The following ZNF273 variants were observed in gnomAD, a reference collection of about 807,000 sequenced individuals.
ZNF273 encodes the protein zinc finger protein 273.
A neutral mutation model predicts 14.9 loss-of-function variants in ZNF273; 11 were observed. That is an observed-to-expected ratio of 0.74 (90% CI 0.46 to 1.22). ZNF273 has a LOEUF of 1.22. ZNF273 is among the 50% of genes most tolerant of loss of function. The pLI, the probability that ZNF273 is intolerant of heterozygous loss-of-function variation, is 0.00. For synonymous variants in ZNF273, 199 were observed against 223.9 expected (o/e 0.89, Z 0.99); for missense variants, 577 against 660.6 (o/e 0.87, Z 1.39).
In ZNF273 at chr7:64,922,735, C is replaced by T. The variant is rs375672894; in HGVS notation, c.325+4443C>T. ...ATCCCAGCACTTTGGGATGCCGAGG[C>T]GAGTAGATTACATGAGGTCAGGGGT... On this transcript the variant is annotated intron_variant, in intron 3 of 3. Transcript: ENST00000476120. Among the ~76,000 whole-genome samples the T allele has an allele frequency of 1.6e-4, 25 of 151,804 alleles. No individual in the cohort carries two copies. In the East Asian group the frequency reaches 3.9e-3, roughly 24 times the overall value.
At chr7:64,918,361 A>T in intron 3 of ZNF273, 69 bp downstream of exon 3, 1 of 1,411,178 alleles carries the variant, frequency 7.1e-7, no homozygotes, top group South Asian at 1.3e-5. Flanking sequence ...GGAGAAAGTC[A>T]GTTCTTAAAA....
At chr7:64,877,899 G>T (rs1206076459) in intron 1 of ZNF273, 14 of 152,316 alleles carry the variant, frequency 9.2e-5, no homozygotes, top group African/African-American at 3.4e-4. Context: ...TGTTCTCCGG[G>T]GCTGTTCTCT....
At chr7:64,887,081 C>A (rs1583957643) in intron 1 of ZNF273, among the ~76,000 whole-genome samples, 2 of 152,226 alleles carry the variant, frequency 1.3e-5, no homozygotes, top group East Asian at 3.9e-4. Flanking sequence ...CACTGGGGAC[C>A]CTATGGAGAC....
chr7:64,913,911 T>G (rs1793754491), intron 1 of ZNF273, among the ~76,000 whole-genome samples: 3 of 148,280 alleles, frequency 2.0e-5, no homozygotes, highest in Admixed American at 2.0e-4. Flanking sequence ...GCAGAAATCT[T>G]TTTACTTGTG....
Position 64,918,315 on chromosome 7 carries a change from A to G in ZNF273, c.325+23A>G, listed in dbSNP as rs373736896. 84 of 1,529,646 alleles carry G rather than the reference A, an allele frequency of 5.5e-5. No individual in the cohort carries two copies. The African/African-American group carries it at 7.4e-4, about 13-fold the overall frequency. 94.8% of individuals were successfully genotyped at this position (1,529,646 alleles called of 1,614,324 possible). On this transcript the variant is annotated intron_variant, in intron 3 of 3. Coordinates refer to ENST00000476120, the MANE Select transcript of ZNF273 (RefSeq NM_021148.3). ...CAGGTAGGTGAGAGTGATAGCGAAT[A>G]TAACAGATGACACAGATGACAGGTC... is the stretch of plus-strand genomic sequence containing the variant.
At chr7:64,904,288 CTG>C (rs1285860873) in intron 1 of ZNF273, among the ~76,000 whole-genome samples, 1 of 152,234 alleles carries the variant, frequency 6.6e-6, no homozygotes, top group Non-Finnish European at 1.5e-5. Flanking sequence ...CTGGGTTTCA[CTG>C]TGTTGCCCAG....
chr7:64,879,125 C>T lies in ZNF273; in HGVS notation n.331-325C>T, dbSNP rs934246884. 3.3e-5 allele frequency among the ~76,000 whole-genome samples: 5 copies of T among 152,324 alleles called. No homozygotes were observed. In the South Asian group the frequency reaches 1.0e-3, roughly 32 times the overall value. On this transcript the variant is annotated intron_variant and non_coding_transcript_variant, in intron 2 of 2. Transcript: ENST00000465954. Reference sequence around the variant, plus strand: ...GTTTCATTTCATCTGCACATCCTTCCTCATTGTGGAGAGGGTCTTTCATTG... The same window carrying T: ...GTTTCATTTCATCTGCACATCCTTCTTCATTGTGGAGAGGGTCTTTCATTG...
chr7:64,928,402 C>T lies in ZNF273; in HGVS notation c.1074C>T (p.Ser358=). 4 of 1,613,434 alleles carry T rather than the reference C, an allele frequency of 2.5e-6. No individual in the cohort carries two copies. The highest frequency in any genetic ancestry group is 1.3e-5 in the African/African-American group (1 of 74,892). ...CNECGKAFNW[S]STLTKHKRIH... is the part of the protein sequence containing the mutation. The stretch of plus-strand genomic sequence containing the variant: ...AATGTGGTAAAGCCTTTAACTGGTC[C>T]TCAACTCTTACTAAACATAAGAGAA... Residue 358 remains serine, a synonymous_variant, in exon 4 of 4, where the codon TCC becomes TCT. Transcript: ENST00000476120.
chr7:64,896,488 AT>A (rs1792365503), intron 3 of ZNF273, among the ~76,000 whole-genome samples: 1 of 152,128 alleles, frequency 6.6e-6, no homozygotes, highest in East Asian at 1.9e-4. Context: ...TAAAATTCTT[AT>A]TTTGGCATTT....
intron 1 of ZNF273, among the ~76,000 whole-genome samples, chr7:64,904,059 T>C (rs879486856): frequency 6.6e-6 from 1 of 152,200 alleles, no homozygotes; most frequent in Non-Finnish European, 1.5e-5. Flanking sequence ...TCCCTCAATG[T>C]TGTAATTTAC....
chr7:64,934,514 G>T (rs1262419506), downstream of ZNF273, among the ~76,000 whole-genome samples: 1 of 152,018 alleles, frequency 6.6e-6, no homozygotes, highest in Non-Finnish European at 1.5e-5. Context: ...TGAAATGAGG[G>T]CCTCATTGCT....
chr7:64,935,817 G>C (rs1315960627), downstream of ZNF273, among the ~76,000 whole-genome samples: 1 of 152,128 alleles, frequency 6.6e-6, no homozygotes, highest in Non-Finnish European at 1.5e-5. Flanking sequence ...TGCATAAACA[G>C]TTATGTAGAT....
intron 1 of ZNF273, among the ~76,000 whole-genome samples, chr7:64,886,456 T>C (rs539982022): frequency 3.7e-4 from 57 of 152,268 alleles, no homozygotes; most frequent in Admixed American, 3.6e-3. Context: ...TTGCACTTGG[T>C]GGAGAAAATT....
chr7:64,900,196 G>A (rs1353677682), upstream of ZNF273, among the ~76,000 whole-genome samples: 1 of 150,144 alleles, frequency 6.7e-6, no homozygotes, highest in Non-Finnish European at 1.5e-5. Flanking sequence ...GTGTAATCTC[G>A]GCTCACTGCC....
At chr7:64,889,586 G>A, downstream of ZNF273, 1 of 986,130 alleles carries the variant, frequency 1.0e-6, no homozygotes. This position sits in a 1 kb window ranked among gnomAD's most constrained non-coding sequence, Gnocchi z 4.2. Flanking sequence ...AGATGGGGCT[G>A]GCGGGGATGG....
intron 2 of ZNF273, among the ~76,000 whole-genome samples, chr7:64,878,703 G>A (rs1791179163): frequency 6.6e-6 from 1 of 152,224 alleles, no homozygotes; most frequent in African/African-American, 2.4e-5. Flanking sequence ...TCTCTGGCCG[G>A]CTCTTCCTTT....
At chr7:64,919,761 T>A (rs1794294923) in intron 3 of ZNF273, among the ~76,000 whole-genome samples, 1 of 152,198 alleles carries the variant, frequency 6.6e-6, no homozygotes, top group Admixed American at 6.5e-5. Context: ...CATACGCTTG[T>A]ATGTTAATTT....
Position 64,929,006 on chromosome 7 carries a change from CATAAA to C in ZNF273, c.1680_1684del (p.His560GlnfsTer6), listed in dbSNP as rs1794907705. On this transcript the variant is annotated frameshift_variant, in exon 4 of 4. Transcript: ENST00000476120. LOFTEE classifies it high-confidence loss of function. ...TGACAACACCCCAAACTTTTCTAGA[CATAAA>C]AGAAATCATATGGGTGAGAAATCCT... The C allele has an allele frequency of 6.4e-7, 1 of 1,560,408 alleles. No individual in the cohort carries two copies. Among genetic ancestry groups the C allele is most frequent in the Non-Finnish European group, 8.6e-7 (1 of 1,158,452 alleles).
rs1280812571 is a variant in ZNF273 at position 64,928,790 on chromosome 7, T to C, written c.1462T>C (p.Cys488Arg). The part of the protein sequence containing the change: ...RVHTGEKPYK[C>R]NECGKAFNWS... Reference sequence around the variant, plus strand: ...TCATACTGGAGAGAAACCTTACAAATGCAATGAATGTGGTAAAGCCTTTAA... The same window carrying C: ...TCATACTGGAGAGAAACCTTACAAACGCAATGAATGTGGTAAAGCCTTTAA... The change falls in exon 4 of 4, where the codon TGC becomes CGC. Residue 488 changes from cysteine (C) to arginine (R), a missense_variant. Transcript: ENST00000476120. 5 of 1,613,374 alleles carry C rather than the reference T, an allele frequency of 3.1e-6. No individual in the cohort carries two copies. The East Asian group carries it at 8.9e-5, about 29-fold the overall frequency.
Sources: allele counts gnomAD v4.1 joint callset (sites outside exome capture counted in the v4.1 genomes callset), GRCh38; gene constraint gnomAD v4.1.1; non-coding constraint Gnocchi (gnomAD v3.1); transcripts MANE v1.5; gene names NCBI Gene and HGNC (gene_info 2026-07-23, HGNC 2026-07-21).